The following NRSN2 variants were observed in gnomAD, a reference collection of about 807,000 sequenced individuals.
The protein encoded by NRSN2 is neurensin-2.
In NRSN2, 10 loss-of-function variants were observed where a neutral mutation model predicts 11.1. That is an observed-to-expected ratio of 0.90 (90% CI 0.56 to 1.53). The LOEUF (loss-of-function observed/expected upper bound fraction) is 1.53, where lower values mean the gene tolerates loss of function less well. Ranked by LOEUF, NRSN2 falls within the 40% of genes most tolerant of loss-of-function variation. NRSN2 has a pLI of 0.00. For missense variants in NRSN2, 260 were observed against 273.7 expected (o/e 0.95, Z 0.35); for synonymous variants, 100 against 117.0 (o/e 0.86, Z 0.94).
At chr20:348,805 T>G (rs1337299694) in intron 2 of NRSN2, among the ~76,000 whole-genome samples, 1 of 151,712 alleles carries the variant, frequency 6.6e-6, no homozygotes, top group Non-Finnish European at 1.5e-5. Flanking sequence ...AACCTGTATA[T>G]GGATATACAA....
At chr20:352,432 A>G (rs994002077) in intron 4 of NRSN2, among the ~76,000 whole-genome samples, 9 of 152,228 alleles carry the variant, frequency 5.9e-5, no homozygotes, top group African/African-American at 1.9e-4. Context: ...TCTGTAGGGA[A>G]CACCAGGAGA....
intron 2 of NRSN2, among the ~76,000 whole-genome samples, 159 bp from the exon 3 acceptor site, chr20:349,090 C>G (rs958963155): frequency 6.6e-6 from 1 of 152,036 alleles, no homozygotes. Flanking sequence ...TGAAGGGGAG[C>G]GGAGGGTGAG....
At chr20:349,938 G>A (rs1600222884) in intron 4 of NRSN2, 106 bp downstream of exon 4, 1 of 1,033,736 alleles carries the variant, frequency 9.7e-7, no homozygotes, top group Non-Finnish European at 1.4e-6. Context: ...GTAGTTAGGA[G>A]TCTTGCACAG....
At position 349,850 on chromosome 20, in the gene NRSN2, C is replaced by T. The variant is rs1376146190; in HGVS notation, c.189+18C>T. ...GTTGGAAGGTAAGGCCAGATGAGCACCTCCCATGATTCCTCTGCCTTGATG... is the reference window on the plus strand; with the variant it reads ...GTTGGAAGGTAAGGCCAGATGAGCATCTCCCATGATTCCTCTGCCTTGATG... On this transcript the variant is annotated intron_variant, in intron 4 of 4. Coordinates refer to ENST00000382285, the MANE Select transcript of NRSN2 (RefSeq NM_001323682.2). 6.2e-7 allele frequency: 1 copy of T among 1,603,008 alleles called. No homozygotes were observed.
chr20:353,281 C>G lies in NRSN2; in HGVS notation c.261C>G (p.Pro87=). 6.2e-7 allele frequency: 1 copy of G among 1,614,084 alleles called. No individual in the cohort carries two copies. The highest frequency in any genetic ancestry group is 8.5e-7 in the Non-Finnish European group (1 of 1,180,028). ...VAALTTGYAV[P]PKLEGIGEGE... ...CTCTGACCACTGGCTATGCAGTGCCCCCCAAGCTGGAGGGCATCGGTGAGG... is the reference window on the plus strand; with the variant it reads ...CTCTGACCACTGGCTATGCAGTGCCGCCCAAGCTGGAGGGCATCGGTGAGG... Residue 87 remains proline, a synonymous_variant, in exon 5 of 5, where the codon CCC becomes CCG. Transcript: ENST00000382285.
chr20:350,646 C>CAAAAAAAAA (rs56188179), intron 4 of NRSN2, among the ~76,000 whole-genome samples: 282 of 39,392 alleles, frequency 7.2e-3, no homozygotes, highest in East Asian at 8.5e-3. Flanking sequence ...GACTCTGTCT[C>CAAAAAAAAA]AAAAAAAAAA....
In NRSN2 at chr20:353,825, C is replaced by A; in HGVS notation, c.*190C>A. 1.7e-6 allele frequency: 1 copy of A among 602,164 alleles called. No homozygotes were observed. The highest frequency in any genetic ancestry group is 2.9e-5 in the East Asian group (1 of 33,954). 37.3% of individuals were successfully genotyped at this position (602,164 alleles called of 1,614,324 possible). On this transcript the variant is annotated 3_prime_UTR_variant, in exon 5 of 5. Transcript: ENST00000382285. ...GGCCCCAACTCTTCCAAGATACCAG[C>A]ATTCCTCAAGTCCTCCCAAAACTTC... is the stretch of plus-strand genomic sequence containing the variant.
chr20:348,273 C>G (rs1320990089), intron 2 of NRSN2: 1 of 152,508 alleles, frequency 6.6e-6, no homozygotes, highest in Non-Finnish European at 1.5e-5. Flanking sequence ...CTCCAGACCT[C>G]TCGCCCTCCT....
rs556926252 is a variant in NRSN2, at chr20:353,543, C to T, written c.523C>T (p.Arg175Cys). Reference protein sequence around the residue: ...EPEQQLSPIFRNASGQSWFSP... With the variant: ...EPEQQLSPIFCNASGQSWFSP... Reference sequence around the variant, plus strand: ...AGAGCAGCAGTTGTCACCCATTTTCCGCAATGCCAGTGGCCAGTCATGGTT... The same window carrying T: ...AGAGCAGCAGTTGTCACCCATTTTCTGCAATGCCAGTGGCCAGTCATGGTT... The change falls in exon 5 of 5, where the codon CGC becomes TGC. Residue 175 changes from arginine to cysteine, a missense_variant. Arg to Cys is a radical substitution (Grantham distance 180). Coordinates refer to ENST00000382285, the MANE Select transcript of NRSN2 (RefSeq NM_001323682.2). 39 of 1,614,158 alleles carry T rather than the reference C, an allele frequency of 2.4e-5. No homozygotes were observed. Among genetic ancestry groups the T allele is most frequent in the Non-Finnish European group, 2.8e-5 (33 of 1,180,028 alleles).
chr20:350,860 C>A (rs932521782), intron 4 of NRSN2, among the ~76,000 whole-genome samples: 1 of 151,988 alleles, frequency 6.6e-6, no homozygotes, highest in Admixed American at 6.6e-5. Context: ...AGACTCTCCC[C>A]ACATGTTCCC....
intron 3 of NRSN2, 117 bp from the exon 4 acceptor site, chr20:349,521 G>A: frequency 1.3e-6 from 1 of 747,292 alleles, no homozygotes; most frequent in Middle Eastern, 3.9e-4. Flanking sequence ...CGTGTAGGGT[G>A]TCTCGAGTGG....
chr20:350,672 AAAAAG>A lies in NRSN2; in HGVS notation c.189+845_189+849del. 5.0e-5 allele frequency among the ~76,000 whole-genome samples: 5 copies of A among 100,516 alleles called. 1 individual carries two copies. Among genetic ancestry groups the A allele is most frequent in the African/African-American group, 1.1e-4 (2 of 18,670 alleles). 65.9% of individuals were successfully genotyped at this position (100,516 alleles called of 152,430 possible). Reference sequence around the variant, plus strand: ...AAAAAAAAAAAAAAAAAAAAAAAAAAAAAAGAAAAAAGAAGGGAAAATGTTGCTCA... The same window carrying A: ...AAAAAAAAAAAAAAAAAAAAAAAAAAAAAAAAGAAGGGAAAATGTTGCTCA... On this transcript the variant is annotated intron_variant, in intron 4 of 4. Transcript: ENST00000382285.
At chr20:348,948 TC>T (rs899515345) in intron 2 of NRSN2, among the ~76,000 whole-genome samples, 19 of 152,208 alleles carry the variant, frequency 1.2e-4, no homozygotes, top group African/African-American at 4.6e-4. Flanking sequence ...GACTTTCACT[TC>T]CAATGGAGTC....
Position 353,512 on chromosome 20 carries a change from T to G in NRSN2, c.492T>G (p.Asp164Glu), listed in dbSNP as rs1320778921. ...ACAGCCACGTGGAGGTCTTCGGGGA[T>G]GAGCCAGAGCAGCAGTTGTCACCCA... ...EADSHVEVFG[D>E]EPEQQLSPIF... The change falls in exon 5 of 5, where the codon GAT becomes GAG. Residue 164 changes from aspartate (D) to glutamate (E), a missense_variant. By Grantham distance (45) the Asp-to-Glu change is conservative. Coordinates refer to ENST00000382285, the MANE Select transcript of NRSN2 (RefSeq NM_001323682.2). 3.1e-6 allele frequency: 5 copies of G among 1,614,172 alleles called. No individual in the cohort carries two copies. In the South Asian group the frequency reaches 5.5e-5, roughly 18 times the overall value.
intron 4 of NRSN2, among the ~76,000 whole-genome samples, chr20:352,037 C>T (rs1199454336): frequency 6.6e-6 from 1 of 152,214 alleles, no homozygotes; most frequent in Non-Finnish European, 1.5e-5. Context: ...TGTGTTGGCT[C>T]TCATTGGGTC....
chr20:351,887 C>G (rs1007047879), intron 4 of NRSN2, among the ~76,000 whole-genome samples: 2 of 152,182 alleles, frequency 1.3e-5, no homozygotes, highest in Admixed American at 6.5e-5. Context: ...TTACTCTGGG[C>G]AAACTCTGTG....
At position 349,673 on chromosome 20, in the gene NRSN2, C is replaced by T. The variant is rs34210936; in HGVS notation, c.30C>T (p.Ser10=). 3.0e-3 allele frequency: 4,847 copies of T among 1,612,676 alleles called. 122 individuals are homozygous for T. In the African/African-American group the frequency reaches 0.055, roughly 18 times the overall value. Reference sequence around the variant, plus strand: ...TGCCGAGCTGCAATCGTTCCTGCAGCTGCAGCCGCGGCCCCAGCGTGGAGG... The same window carrying T: ...TGCCGAGCTGCAATCGTTCCTGCAGTTGCAGCCGCGGCCCCAGCGTGGAGG... The part of the protein sequence containing the change: MMPSCNRSC[S]CSRGPSVEDG... The change falls in exon 4 of 5, where the codon AGC becomes AGT. Residue 10 remains serine, a synonymous_variant. Coordinates refer to ENST00000382285, the MANE Select transcript of NRSN2 (RefSeq NM_001323682.2).
chr20:350,922 G>C (rs2122550983), intron 4 of NRSN2, among the ~76,000 whole-genome samples: 1 of 152,214 alleles, frequency 6.6e-6, no homozygotes, highest in Middle Eastern at 3.4e-3. Context: ...CACCATCTAA[G>C]GGAAGTCAGC....
chr20:348,485 GTGTGTGT>G (rs2013640018), intron 2 of NRSN2: 1 of 11,910 alleles, frequency 8.4e-5, no homozygotes, highest in African/African-American at 4.7e-4. Flanking sequence ...ACCTCCAACC[GTGTGTGT>G]GTGTGTGTGT....
Sources: allele counts gnomAD v4.1 joint callset (sites outside exome capture counted in the v4.1 genomes callset), GRCh38; gene constraint gnomAD v4.1.1; transcripts MANE v1.5; gene names NCBI Gene and HGNC (gene_info 2026-07-23, HGNC 2026-07-21).